Variants in PLXNA2 observed in about 807,000 individuals in gnomAD.
PLXNA2 encodes plexin-A2.
A neutral mutation model predicts 193.5 loss-of-function variants in PLXNA2; 91 were observed. That is an observed-to-expected ratio of 0.47 (90% CI 0.40 to 0.56). The LOEUF is 0.56. PLXNA2 is among the 20% of genes least tolerant of loss of function. The probability of loss-of-function intolerance (pLI) is 0.00; values close to 1 mark genes in which losing one functional copy is unlikely to be tolerated. For synonymous variants in PLXNA2, 997 were observed against 1,027.3 expected (o/e 0.97, Z 0.56); for missense variants, 1,995 against 2,503.2 (o/e 0.80, Z 4.33).
chr1:208,197,386 A>T (rs936819009), intron 3 of PLXNA2, among the ~76,000 whole-genome samples: 1 of 152,230 alleles, frequency 6.6e-6, no homozygotes, highest in African/African-American at 2.4e-5. Flanking sequence ...ACTGACAGTC[A>T]CCGAAGCTGA....
intron 4 of PLXNA2, among the ~76,000 whole-genome samples, chr1:208,136,287 T>C (rs1158279513): frequency 6.6e-6 from 1 of 152,208 alleles, no homozygotes; most frequent in Non-Finnish European, 1.5e-5. Context: ...TTTTTAAAAA[T>C]ATCCCCAAAC....
rs922879833 is a variant in PLXNA2, at chr1:208,030,275, G to A, written c.5226-1233C>T. 53 of 985,418 alleles carry A rather than the reference G, an allele frequency of 5.4e-5. 1 individual carries two copies. Among genetic ancestry groups the A allele is most frequent in the Non-Finnish European group, 3.1e-5 (26 of 830,026 alleles). 61.0% of individuals were successfully genotyped at this position (985,418 alleles called of 1,614,324 possible). On this transcript the variant is annotated intron_variant, in intron 29 of 31. Coordinates refer to ENST00000367033, the MANE Select transcript of PLXNA2 (RefSeq NM_025179.4). The stretch of plus-strand genomic sequence containing the variant: ...ACATTTGCTATTGAGGTCTGGTTAA[G>A]GAAACTCTCTCCACACCACGATGCC...
intron 1 of PLXNA2, among the ~76,000 whole-genome samples, chr1:208,237,108 C>T (rs1028203220): frequency 3.3e-5 from 5 of 152,204 alleles, no homozygotes; most frequent in Non-Finnish European, 7.3e-5. Context: ...AGCAGAATGG[C>T]TACCTTCTCT....
chr1:208,147,942 C>A (rs1365090158), intron 3 of PLXNA2, among the ~76,000 whole-genome samples: 1 of 152,198 alleles, frequency 6.6e-6, no homozygotes, highest in African/African-American at 2.4e-5. Flanking sequence ...GGATAAAACT[C>A]AGTTTATCAG....
chr1:208,090,590 C>T (rs1173027881), intron 9 of PLXNA2, among the ~76,000 whole-genome samples: 1 of 152,182 alleles, frequency 6.6e-6, no homozygotes, highest in East Asian at 1.9e-4. Flanking sequence ...GTTTATTTAT[C>T]TTGCTTTGAG....
intron 1 of PLXNA2, among the ~76,000 whole-genome samples, chr1:208,231,308 C>A (rs938194574): frequency 1.3e-5 from 2 of 151,778 alleles, no homozygotes; most frequent in African/African-American, 2.4e-5. Flanking sequence ...GAGAGAGAAG[C>A]CGGGAAAAGG....
chr1:208,231,355 G>A (rs774232084), intron 1 of PLXNA2, among the ~76,000 whole-genome samples: 1 of 152,104 alleles, frequency 6.6e-6, no homozygotes, highest in Non-Finnish European at 1.5e-5. Flanking sequence ...GGAAGCGGGA[G>A]GGAGGGGTGA....
At position 208,185,714 on chromosome 1, in the gene PLXNA2, A is replaced by G. The variant is rs1430605420; in HGVS notation, c.1371+24566T>C. Among the ~76,000 whole-genome samples the G allele has an allele frequency of 2.9e-5, 4 of 135,920 alleles. 1 individual carries two copies. The highest frequency in any genetic ancestry group is 1.1e-4 in the African/African-American group (4 of 35,292). The allele number at this position is 135,920 out of a possible 152,430, so 89.2% of individuals were successfully genotyped here. On this transcript the variant is annotated intron_variant, in intron 3 of 31. Transcript: ENST00000367033. ...CTGAAAGCAAAAAAAAAAAAAAAAA[A>G]AAAAGGAAAAAAAAAAAGAAACTAT...
rs369320015 is a variant in PLXNA2 at position 208,054,472 on chromosome 1, G to A, written c.2805C>T (p.Gly935=). The change falls in exon 14 of 32, where the codon GGC becomes GGT. Residue 935 remains glycine, a synonymous_variant. Transcript: ENST00000367033. ...TTSGPVRLCI[G]ECKPEFMTKS... ...TCGTCATGAACTCTGGCTTACACTC[G>A]CCAATACACAGGCGTACTGGCCCGG... The A allele has an allele frequency of 6.2e-6, 10 of 1,614,198 alleles. No individual in the cohort carries two copies. Among genetic ancestry groups the A allele is most frequent in the Middle Eastern group, 3.3e-4 (2 of 6,062 alleles).
At chr1:208,051,558 C>T in intron 15 of PLXNA2, 135 bp from the exon 16 acceptor site, 1 of 650,768 alleles carries the variant, frequency 1.5e-6, no homozygotes, top group African/African-American at 1.8e-5. Flanking sequence ...TATTCTACAA[C>T]AATGGAACAC....
At chr1:208,209,870 A>G (rs1262508191) in intron 3 of PLXNA2, 1 of 228,240 alleles carries the variant, frequency 4.4e-6, no homozygotes, top group African/African-American at 2.3e-5. Context: ...TCTGAATTCA[A>G]CAAAGACCAG....
At position 208,044,531 on chromosome 1, in the gene PLXNA2, CG is replaced by C. The variant is rs760237125; in HGVS notation, c.3850del (p.Arg1284ValfsTer20). 1 of 1,613,902 alleles carries C rather than the reference CG, an allele frequency of 6.2e-7. No individual in the cohort carries two copies. Among genetic ancestry groups the C allele is most frequent in the African/African-American group, 1.3e-5 (1 of 75,026 alleles). ...LQMQMDNLES[R>X]VALECKEAFA... The stretch of plus-strand genomic sequence containing the variant: ...ACCTTCCTTGCACTCCAAGGCCACA[CG>C]GGACTCCAGATTGTCCATCTGCATT... On this transcript the variant is annotated frameshift_variant, in exon 20 of 32. Transcript: ENST00000367033. LOFTEE classifies it high-confidence loss of function. This position sits in a 1 kb window ranked among gnomAD's most constrained non-coding sequence, Gnocchi z 4.9.
At position 208,165,899 on chromosome 1, in the gene PLXNA2, C is replaced by T. The variant is rs1419805986; in HGVS notation, c.1372-23436G>A. Among the ~76,000 whole-genome samples the T allele has an allele frequency of 2.6e-5, 4 of 152,208 alleles. No homozygotes were observed. The East Asian group carries it at 7.7e-4, about 29-fold the overall frequency. On this transcript the variant is annotated intron_variant, in intron 3 of 31. Transcript: ENST00000367033. ...CTCCCATTGGCAAGCTGATTCAGTG[C>T]TTACTGTACTCCTCCCTCCTGCTCA...
chr1:208,213,871 T>A (rs1671041477), intron 2 of PLXNA2, among the ~76,000 whole-genome samples: 1 of 152,166 alleles, frequency 6.6e-6, no homozygotes, highest in Non-Finnish European at 1.5e-5. Flanking sequence ...CACTGTCACC[T>A]CTCTCCCAGT....
In PLXNA2 at chr1:208,027,156, GA is replaced by G. The variant is rs1180520982; in HGVS notation, c.*86del. On this transcript the variant is annotated 3_prime_UTR_variant, in exon 32 of 32. Transcript: ENST00000367033. ...CAGGGGACAGCAAGCTCTGGGGCCT[GA>G]TCCCCATCACTTGTCCTTCCATCTG... 4.2e-6 allele frequency: 5 copies of G among 1,202,640 alleles called. No individual in the cohort carries two copies. In the Admixed American group the frequency reaches 8.5e-5, roughly 20 times the overall value. 74.5% of individuals were successfully genotyped at this position (1,202,640 alleles called of 1,614,324 possible).
chr1:208,227,344 T>C (rs1306774309), intron 1 of PLXNA2, among the ~76,000 whole-genome samples: 3 of 152,218 alleles, frequency 2.0e-5, no homozygotes, highest in Non-Finnish European at 4.4e-5. Context: ...GTGATTAGCT[T>C]GCAAGGTGAG....
At chr1:208,134,327 A>T (rs1360804093) in intron 4 of PLXNA2, among the ~76,000 whole-genome samples, 1 of 152,142 alleles carries the variant, frequency 6.6e-6, no homozygotes, top group African/African-American at 2.4e-5. Context: ...GGAAAGAAAG[A>T]GGAAAAAATC....
chr1:208,240,963 T>C (rs557597411), intron 1 of PLXNA2, among the ~76,000 whole-genome samples: 1 of 152,192 alleles, frequency 6.6e-6, no homozygotes, highest in Admixed American at 6.5e-5. Flanking sequence ...GAGGCAATCA[T>C]AGAAAATGAG....
At chr1:208,227,131 A>T (rs1354291599) in intron 1 of PLXNA2, among the ~76,000 whole-genome samples, 1 of 152,240 alleles carries the variant, frequency 6.6e-6, no homozygotes, top group Non-Finnish European at 1.5e-5. Flanking sequence ...AAATAAAAGT[A>T]GGCATATGGC....
Sources: gnomAD v4.1 joint callset for allele counts (sites outside exome capture counted in the v4.1 genomes callset) on GRCh38, gnomAD v4.1.1 for gene constraint, Gnocchi (gnomAD v3.1) non-coding constraint, MANE v1.5 for transcripts, NCBI Gene and HGNC (gene_info 2026-07-23, HGNC 2026-07-21) for gene names.